RIMS2: variants seen among roughly 807,000 people sequenced by gnomAD.
The protein encoded by RIMS2 is regulating synaptic membrane exocytosis 2.
RIMS2 carries 59 observed loss-of-function variants against 174.4 expected under a neutral mutation model. The observed-to-expected ratio is 0.34, with a 90% CI of 0.27 to 0.42. The LOEUF (loss-of-function observed/expected upper bound fraction) is 0.42, where lower values mean the gene tolerates loss of function less well. Among genes scored for constraint, RIMS2 ranks in the 10% least tolerant of loss-of-function variants. RIMS2 has a pLI of 1.00. For missense variants in RIMS2, 1,620 were observed against 1,666.3 expected, an observed-to-expected ratio of 0.97 and a Z score of 0.48; for synonymous variants, 606 against 572.5, an observed-to-expected ratio of 1.06 and a Z score of -0.84.
At chr8:103,876,880 A>T (rs1176920005) in intron 3 of RIMS2, among the ~76,000 whole-genome samples, 1 of 35,704 alleles carries the variant, frequency 2.8e-5, no homozygotes, top group Admixed American at 2.0e-4. Context: ...ATATATATAT[A>T]TATATATATA....
chr8:104,202,412 C>T (rs2099059627), intron 19 of RIMS2, among the ~76,000 whole-genome samples: 1 of 152,174 alleles, frequency 6.6e-6, no homozygotes, highest in African/African-American at 2.4e-5. Flanking sequence ...TTAAAAGAGA[C>T]TGGTGAAAGC....
intron 1 of RIMS2, among the ~76,000 whole-genome samples, chr8:103,604,001 A>C (rs2094906179): frequency 1.3e-5 from 2 of 149,078 alleles, no homozygotes; most frequent in East Asian, 3.9e-4. Context: ...TCTTTAGTTT[A>C]ATTAGATCCC....
At chr8:104,251,030 A>C in exon 23 of RIMS2, 1 of 1,613,034 alleles carries the variant, frequency 6.2e-7, no homozygotes, top group Non-Finnish European at 8.5e-7. Context: ...CAAGCACCGT[A>C]TGTAAAAGTG....
chr8:103,565,316 T>G (rs1313317773), intron 1 of RIMS2, among the ~76,000 whole-genome samples: 1 of 152,042 alleles, frequency 6.6e-6, no homozygotes, highest in Non-Finnish European at 1.5e-5. Context: ...TAATGTTTTT[T>G]TTTTTGGAGA....
chr8:103,612,517 G>T (rs2095405194), intron 1 of RIMS2, among the ~76,000 whole-genome samples: 1 of 152,166 alleles, frequency 6.6e-6, no homozygotes, highest in Non-Finnish European at 1.5e-5. Flanking sequence ...GTACCACTTT[G>T]GTGGCCTTGT....
chr8:103,778,959 TATCTC>T (rs1474231540), intron 3 of RIMS2, among the ~76,000 whole-genome samples: 1 of 152,192 alleles, frequency 6.6e-6, no homozygotes, highest in Non-Finnish European at 1.5e-5. Context: ...GGTGAGAAGA[TATCTC>T]ATTGTGATTT....
downstream of RIMS2, chr8:104,254,829 A>G (rs2099365831): frequency 6.6e-6 from 1 of 152,152 alleles, no homozygotes; most frequent in Non-Finnish European, 1.5e-5. Flanking sequence ...TATGCAGCAT[A>G]TGTGTTTCTG....
chr8:103,536,650 G>C (rs1271656484), intron 1 of RIMS2, among the ~76,000 whole-genome samples: 1 of 152,118 alleles, frequency 6.6e-6, no homozygotes, highest in Non-Finnish European at 1.5e-5. Flanking sequence ...AGACACTGAA[G>C]GGGGAGGTGC....
intron 1 of RIMS2, 92 bp from the exon 2 acceptor site, chr8:103,652,113 A>AT: frequency 2.0e-6 from 1 of 508,504 alleles, no homozygotes; most frequent in South Asian, 2.0e-5. Flanking sequence ...TAAAATTCTT[A>AT]TTTTTGGTGT....
chr8:104,210,264 C>A (rs568699906), intron 19 of RIMS2, among the ~76,000 whole-genome samples: 52 of 152,098 alleles, frequency 3.4e-4, no homozygotes, highest in Non-Finnish European at 7.4e-4. Context: ...CAGCTAGAAC[C>A]AATTTCTGGA....
chr8:103,696,788 G>A (rs2097106350), intron 1 of RIMS2, among the ~76,000 whole-genome samples: 2 of 148,978 alleles, frequency 1.3e-5, no homozygotes, highest in South Asian at 2.1e-4. Context: ...GCTAGACCCT[G>A]GGAGGCAGAG....
At chr8:104,034,589 C>T (rs1254668638) in intron 19 of RIMS2, among the ~76,000 whole-genome samples, 2 of 151,134 alleles carry the variant, frequency 1.3e-5, no homozygotes, top group Non-Finnish European at 2.9e-5. Flanking sequence ...CCTGCCTCAG[C>T]CTACCAAGTA....
At chr8:104,232,834 G>T (rs1057206688) in intron 19 of RIMS2, among the ~76,000 whole-genome samples, 3 of 151,910 alleles carry the variant, frequency 2.0e-5, no homozygotes, top group Non-Finnish European at 4.4e-5. Context: ...TAGAAAAGTA[G>T]CACCTTCCTA....
At chr8:103,571,810 G>C (rs2092828866) in intron 1 of RIMS2, among the ~76,000 whole-genome samples, 1 of 152,170 alleles carries the variant, frequency 6.6e-6, no homozygotes, top group Admixed American at 6.5e-5. Context: ...TGGTCTCTTG[G>C]TTCTGTTTCC....
chr8:103,959,292 A>T (rs1483184574), intron 14 of RIMS2, among the ~76,000 whole-genome samples: 2 of 152,122 alleles, frequency 1.3e-5, no homozygotes, highest in Non-Finnish European at 2.9e-5. Context: ...ATGTATATGG[A>T]TTATTATTTT....
chr8:103,601,894 A>G (rs1378802684), intron 1 of RIMS2, among the ~76,000 whole-genome samples: 1 of 152,132 alleles, frequency 6.6e-6, no homozygotes, highest in Non-Finnish European at 1.5e-5. Flanking sequence ...ACAGCTTAAC[A>G]CTGATAGCAT....
At chr8:104,129,090 CTT>C (rs1413127476) in intron 19 of RIMS2, among the ~76,000 whole-genome samples, 1 of 151,980 alleles carries the variant, frequency 6.6e-6, no homozygotes, top group African/African-American at 2.4e-5. Context: ...AAAAGTGAGA[CTT>C]AAGATTTTAT....
intron 2 of RIMS2, among the ~76,000 whole-genome samples, chr8:103,724,962 G>C (rs1361707548): frequency 6.6e-6 from 1 of 152,042 alleles, no homozygotes; most frequent in South Asian, 2.1e-4. Context: ...GGACCACCCC[G>C]GCTATAGACA....
intron 19 of RIMS2, among the ~76,000 whole-genome samples, chr8:104,053,140 A>C (rs916701546): frequency 6.6e-6 from 1 of 152,276 alleles, no homozygotes; most frequent in South Asian, 2.1e-4. Context: ...TACAGCAATC[A>C]ATGATTAGGT....
Sources: gnomAD v4.1 joint callset for allele counts (sites outside exome capture counted in the v4.1 genomes callset) on GRCh38, gnomAD v4.1.1 for gene constraint, MANE v1.5 for transcripts, NCBI Gene and HGNC (gene_info 2026-07-23, HGNC 2026-07-21) for gene names.